The following RANBP10 variants were observed in gnomAD, a reference collection of about 807,000 sequenced individuals.
RANBP10 encodes ran-binding protein 10.
A neutral mutation model predicts 72.8 loss-of-function variants in RANBP10; 24 were observed. That is an observed-to-expected ratio of 0.33 (90% CI 0.24 to 0.46). The LOEUF (loss-of-function observed/expected upper bound fraction) is 0.46. Among genes scored for constraint, RANBP10 ranks in the 20% least tolerant of loss-of-function variants. The pLI, the probability that RANBP10 is intolerant of heterozygous loss-of-function variation, is 1.00. For synonymous variants in RANBP10, 310 were observed against 322.3 expected (o/e 0.96, Z 0.41); for missense variants, 679 against 817.5 (o/e 0.83, Z 2.07).
At chr16:67,757,907 G>A (rs1158187803) in intron 3 of RANBP10, among the ~76,000 whole-genome samples, 1 of 152,164 alleles carries the variant, frequency 6.6e-6, no homozygotes, top group Non-Finnish European at 1.5e-5. Context: ...GGAAGCCATG[G>A]TAAAGGGGGC....
Position 67,751,586 on chromosome 16 carries a change from A to G in RANBP10, c.401-7131T>C, listed in dbSNP as rs541797235. ...ATTGGAGTGACCTGAGATTGTGCCA[A>G]TGCACTCAAGCCTGGGCAACAGAGC... On this transcript the variant is annotated intron_variant, in intron 3 of 13. Transcript: ENST00000317506. Among the ~76,000 whole-genome samples, 8 of 152,148 alleles carry G rather than the reference A, an allele frequency of 5.3e-5. No homozygotes were observed. The East Asian group carries it at 1.5e-3, about 29-fold the overall frequency.
chr16:67,804,704 T>C (rs929411046), intron 2 of RANBP10, among the ~76,000 whole-genome samples: 1 of 152,114 alleles, frequency 6.6e-6, no homozygotes. Context: ...TTTTTTTGTA[T>C]TTTTAGTAGA....
chr16:67,789,024 G>T (rs1289903483), intron 2 of RANBP10, among the ~76,000 whole-genome samples: 1 of 147,578 alleles, frequency 6.8e-6, no homozygotes, highest in East Asian at 2.0e-4. Flanking sequence ...AAATTATCCA[G>T]GCAGGCCGGG....
intron 3 of RANBP10, among the ~76,000 whole-genome samples, chr16:67,771,019 T>G (rs1288375608): frequency 6.6e-6 from 1 of 151,896 alleles, no homozygotes; most frequent in Non-Finnish European, 1.5e-5. Flanking sequence ...TCCCAACACT[T>G]AGGGAGGCCA....
chr16:67,749,647 A>C (rs1412088878), intron 3 of RANBP10, among the ~76,000 whole-genome samples: 1 of 152,178 alleles, frequency 6.6e-6, no homozygotes, highest in Non-Finnish European at 1.5e-5. Flanking sequence ...GGGTATGCAA[A>C]TCATTTGACC....
intron 2 of RANBP10, among the ~76,000 whole-genome samples, chr16:67,790,394 C>A (rs1597913914): frequency 6.6e-6 from 1 of 151,774 alleles, no homozygotes. Context: ...GATGGTTGCA[C>A]AACATTGTGG....
intron 2 of RANBP10, among the ~76,000 whole-genome samples, chr16:67,791,768 G>C (rs1273615805): frequency 6.6e-6 from 1 of 152,142 alleles, no homozygotes; most frequent in Admixed American, 6.6e-5. Flanking sequence ...TGGGACCTCA[G>C]TTACAAAATG....
intron 3 of RANBP10, among the ~76,000 whole-genome samples, chr16:67,749,592 A>G (rs976749799): frequency 6.6e-6 from 1 of 152,160 alleles, no homozygotes; most frequent in African/African-American, 2.4e-5. Context: ...TCAGCTCCTA[A>G]GCTCACCAGG....
intron 2 of RANBP10, among the ~76,000 whole-genome samples, chr16:67,772,687 C>A (rs1203832405): frequency 6.6e-6 from 1 of 152,138 alleles, no homozygotes; most frequent in African/African-American, 2.4e-5. Context: ...CCCCCTCACT[C>A]CTCCCACTCT....
intron 2 of RANBP10, among the ~76,000 whole-genome samples, chr16:67,796,651 T>C (rs1279626799): frequency 6.6e-6 from 1 of 152,158 alleles, no homozygotes; most frequent in Non-Finnish European, 1.5e-5. Context: ...TTGTGGGGTA[T>C]TGGGGCCTTC....
chr16:67,739,130 A>G (rs947051850), intron 4 of RANBP10: 1 of 151,676 alleles, frequency 6.6e-6, no homozygotes, highest in Non-Finnish European at 1.5e-5. Flanking sequence ...CGGCTAATAT[A>G]TATTTTTGTA....
At chr16:67,736,553 G>A (rs1323922953) in intron 5 of RANBP10, among the ~76,000 whole-genome samples, 2 of 152,158 alleles carry the variant, frequency 1.3e-5, no homozygotes, top group Non-Finnish European at 2.9e-5. Context: ...AGGACCTCTC[G>A]CTTCCTTTCT....
chr16:67,747,542 C>T (rs933498232), intron 3 of RANBP10, among the ~76,000 whole-genome samples: 1 of 152,144 alleles, frequency 6.6e-6, no homozygotes, highest in Non-Finnish European at 1.5e-5. Flanking sequence ...CACACTCTCT[C>T]GTCCAGACTG....
rs553311826 is a variant in RANBP10, at chr16:67,806,549, T to A, written c.-13A>T. The stretch of plus-strand genomic sequence containing the variant: ...TCGCTGCCGCCATCTTGGAGGGAGC[T>A]ACTATTGTGTCACTGGGGGCGGGGA... On this transcript the variant is annotated 5_prime_UTR_variant, in exon 1 of 14. Transcript: ENST00000317506. 2 of 1,473,268 alleles carry A rather than the reference T, an allele frequency of 1.4e-6. No individual in the cohort carries two copies. Among genetic ancestry groups the A allele is most frequent in the Admixed American group, 5.0e-5 (2 of 39,844 alleles). The allele number at this position is 1,473,268 out of a possible 1,614,324, so 91.3% of individuals were successfully genotyped here.
intron 3 of RANBP10, among the ~76,000 whole-genome samples, chr16:67,753,660 C>T (rs1335664607): frequency 6.6e-6 from 1 of 152,144 alleles, no homozygotes; most frequent in Non-Finnish European, 1.5e-5. Flanking sequence ...AGGGTATGAA[C>T]TCAGCATGTC....
intron 2 of RANBP10, among the ~76,000 whole-genome samples, chr16:67,804,475 C>A (rs1014104536): frequency 6.6e-6 from 1 of 151,870 alleles, no homozygotes; most frequent in Non-Finnish European, 1.5e-5. Context: ...AATCTCAGCT[C>A]ACTACAACCT....
At chr16:67,733,147 T>C (rs1399010703) in intron 6 of RANBP10, among the ~76,000 whole-genome samples, 1 of 151,502 alleles carries the variant, frequency 6.6e-6, no homozygotes, top group Admixed American at 6.6e-5. Context: ...GGAAAATCAC[T>C]TGAGCCCAGA....
chr16:67,786,575 T>C (rs1210735497), intron 2 of RANBP10, among the ~76,000 whole-genome samples: 2 of 152,224 alleles, frequency 1.3e-5, no homozygotes, highest in Admixed American at 6.5e-5. Context: ...CACTAGTCAT[T>C]AGGAAATGCA....
intron 3 of RANBP10, among the ~76,000 whole-genome samples, chr16:67,755,628 G>A (rs1276613173): frequency 1.4e-5 from 2 of 147,236 alleles, no homozygotes; most frequent in Non-Finnish European, 3.0e-5. Context: ...AGGTTGCAGT[G>A]AGCTAAGATC....
Sources: gnomAD v4.1 joint callset for allele counts (sites outside exome capture counted in the v4.1 genomes callset) on GRCh38, gnomAD v4.1.1 for gene constraint, MANE v1.5 for transcripts, NCBI Gene and HGNC (gene_info 2026-07-23, HGNC 2026-07-21) for gene names.